The following SCN7A variants were observed in gnomAD, a reference collection of about 807,000 sequenced individuals.
SCN7A encodes sodium channel protein type 7 subunit alpha.
In SCN7A, 138 loss-of-function variants were observed where a neutral mutation model predicts 155.2. That is an observed-to-expected ratio of 0.89 (90% CI 0.77 to 1.02). The LOEUF (loss-of-function observed/expected upper bound fraction) is 1.02. Among genes scored for constraint, SCN7A ranks in the 50% least tolerant of loss-of-function variants. SCN7A has a pLI of 0.00. For missense variants in SCN7A, 2,058 were observed against 1,986.6 expected (o/e 1.04, Z -0.68); for synonymous variants, 693 against 649.0 (o/e 1.07, Z -1.03).
Position 166,474,295 on chromosome 2 carries a change from G to T in SCN7A, c.284C>A (p.Ala95Asp). The change falls in exon 4 of 26, where the codon GCT becomes GAT. Residue 95 changes from alanine to aspartate, a missense_variant. Coordinates refer to ENST00000643258, the MANE Select transcript of SCN7A (RefSeq NM_002976.4). ...KNRTIFRFNA[A>D]SILCTLSPFN... is the part of the protein sequence containing the mutation. ...AGGAGACAATGTACACAAGATGGAAGCCGCATTGAATCTGAAGATTGTTCT... is the reference window on the plus strand; with the variant it reads ...AGGAGACAATGTACACAAGATGGAATCCGCATTGAATCTGAAGATTGTTCT... 1.3e-6 allele frequency: 2 copies of T among 1,530,584 alleles called. No individual in the cohort carries two copies. Among genetic ancestry groups the T allele is most frequent in the Non-Finnish European group, 8.8e-7 (1 of 1,134,018 alleles). The allele number at this position is 1,530,584 out of a possible 1,614,324, so 94.8% of individuals were successfully genotyped here.
chr2:166,477,410 T>C, intron 3 of SCN7A, 53 bp downstream of exon 3: 1 of 1,115,788 alleles, frequency 9.0e-7, no homozygotes, highest in Non-Finnish European at 1.2e-6. Context: ...TTTCTGTATG[T>C]CTGGAAATAA....
intron 22 of SCN7A, 28 bp from the exon 23 acceptor site, chr2:166,412,695 G>A: frequency 6.8e-7 from 1 of 1,466,186 alleles, no homozygotes; most frequent in Non-Finnish European, 9.0e-7. Context: ...GCAAATTATT[G>A]ATATTGGCTT....
At chr2:166,407,291 A>T (rs1339891139) in intron 25 of SCN7A, among the ~76,000 whole-genome samples, 1 of 152,016 alleles carries the variant, frequency 6.6e-6, no homozygotes, top group Admixed American at 6.6e-5. Context: ...TGGTAGTTAG[A>T]TGAGGGAAGT....
chr2:166,445,695 C>T (rs1702048878), intron 12 of SCN7A, among the ~76,000 whole-genome samples: 1 of 152,092 alleles, frequency 6.6e-6, no homozygotes. Context: ...CACAGCCTTG[C>T]ATCCCCAGGA....
intron 5 of SCN7A, among the ~76,000 whole-genome samples, chr2:166,473,517 C>A (rs1159536681): frequency 1.3e-5 from 2 of 151,368 alleles, no homozygotes; most frequent in East Asian, 3.9e-4. Context: ...CTGGTATGTC[C>A]TAGGAAAGAG....
Position 166,432,638 on chromosome 2 carries a change from CTTTT to C in SCN7A, c.2268_2271del (p.Lys757GlufsTer2). On this transcript the variant is annotated frameshift_variant, in exon 16 of 26. Coordinates refer to ENST00000643258, the MANE Select transcript of SCN7A (RefSeq NM_002976.4). LOFTEE classifies it high-confidence loss of function. ...ATTTTAAGAAGCACATAGTTTATTC[CTTTT>C]TTAATTCTTGCCACTGCAAGCTGGA... 6.2e-7 allele frequency: 1 copy of C among 1,610,994 alleles called. No homozygotes were observed. The highest frequency in any genetic ancestry group is 1.1e-5 in the South Asian group (1 of 90,368).
rs369147697 is a variant in SCN7A, at chr2:166,406,294, G to A, written c.4335C>T (p.Asn1445=). ...CAGGATCACAGTCAGACCATTTACT[G>A]TTGAAAATTGCATCAAGCATCCCAT... ...GWDGMLDAIF[N]SKWSDCDPDK... The change falls in exon 26 of 26, where the codon AAC becomes AAT. Residue 1445 remains asparagine (N), a synonymous_variant. Transcript: ENST00000643258. The A allele has an allele frequency of 1.4e-5, 22 of 1,612,986 alleles. No individual in the cohort carries two copies. Among genetic ancestry groups the A allele is most frequent in the Middle Eastern group, 1.6e-4 (1 of 6,078 alleles).
intron 18 of SCN7A, 111 bp downstream of exon 18, chr2:166,427,677 G>T: frequency 1.1e-6 from 1 of 895,384 alleles, no homozygotes; most frequent in Non-Finnish European, 1.6e-6. Context: ...GCTATTTGGT[G>T]CTATACTAAA....
Position 166,409,709 on chromosome 2 carries a change from G to C in SCN7A, c.3938C>G (p.Ala1313Gly), listed in dbSNP as rs6760593. 228 of 1,540,328 alleles carry C rather than the reference G, an allele frequency of 1.5e-4. No homozygotes were observed. The highest frequency in any genetic ancestry group is 1.9e-4 in the Non-Finnish European group (212 of 1,143,500). The change falls in exon 25 of 26, where the codon GCG becomes GGG. Residue 1313 changes from alanine (A) to glycine (G), a missense_variant. Coordinates refer to ENST00000643258, the MANE Select transcript of SCN7A (RefSeq NM_002976.4). ...CACCATAAAATCAAAAATGTTCCAC[G>C]CAATGGTGAAATAAAAACAACGGAA... ...IAFRCFYFTI[A>G]WNIFDFMVVI...
chr2:166,410,268 C>G lies in SCN7A; in HGVS notation c.3663G>C (p.Leu1221=). 6.4e-7 allele frequency: 1 copy of G among 1,556,942 alleles called. No homozygotes were observed. The highest frequency in any genetic ancestry group is 8.7e-7 in the Non-Finnish European group (1 of 1,148,800). ...GAGAATCCTCATACATTAGCTTCTT[C>G]AGCCTGCGGTACTGTTTTCTCTGTT... is the stretch of plus-strand genomic sequence containing the variant. ...TVKQRKQYRR[L]KKLMYEDSQR... The change falls in exon 24 of 26, where the codon CTG becomes CTC. Residue 1221 remains leucine (L), a synonymous_variant. Transcript: ENST00000643258.
At chr2:166,406,675 T>C (rs1168149397) in intron 25 of SCN7A, 29 bp from the exon 26 acceptor site, 1 of 1,415,232 alleles carries the variant, frequency 7.1e-7, no homozygotes, top group East Asian at 2.3e-5. Flanking sequence ...AAGCAGGCTA[T>C]ACATTATTCA....
In SCN7A at chr2:166,432,574, T is replaced by G; in HGVS notation, c.2336A>C (p.Asp779Ala). ...KTQNVPKDTM[D>A]HVNEVYVKED... ...TTTAACATATACCTCATTTACATGG[T>G]CCATTGTGTCCTTTGGGACATTTTG... is the stretch of plus-strand genomic sequence containing the variant. Residue 779 changes from aspartate (D) to alanine (A), a missense_variant, in exon 16 of 26, where the codon GAC becomes GCC. Asp to Ala is a moderately radical substitution (Grantham distance 126). Transcript: ENST00000643258. The G allele has an allele frequency of 6.2e-7, 1 of 1,613,370 alleles. No individual in the cohort carries two copies.
chr2:166,423,448 A>G lies in SCN7A; in HGVS notation c.2854-16T>C, dbSNP rs1701556104. The G allele has an allele frequency of 1.3e-6, 2 of 1,510,864 alleles. No individual in the cohort carries two copies. Among genetic ancestry groups the G allele is most frequent in the Non-Finnish European group, 1.8e-6 (2 of 1,136,942 alleles). 93.6% of individuals were successfully genotyped at this position (1,510,864 alleles called of 1,614,324 possible). A position where few individuals can be genotyped will look rare whatever the true frequency, so the allele number is the denominator to read the frequency against. On this transcript the variant is annotated splice_polypyrimidine_tract_variant and intron_variant, in intron 18 of 25. Transcript: ENST00000643258. ...CTTCAAAAGCCTGTGGGTAAAAATA[A>G]AAAAATAAGGATTAGGTGTACAGGT...
chr2:166,410,772 T>C (rs951606692), intron 23 of SCN7A, among the ~76,000 whole-genome samples: 2 of 152,044 alleles, frequency 1.3e-5, no homozygotes, highest in Admixed American at 6.6e-5. Flanking sequence ...TTTCAAATAG[T>C]ATCAGAAGAG....
intron 21 of SCN7A, among the ~76,000 whole-genome samples, chr2:166,416,392 C>T (rs1048286996): frequency 3.9e-5 from 6 of 152,090 alleles, no homozygotes; most frequent in African/African-American, 4.8e-5. Context: ...AACTTGCTGG[C>T]TTTAAGGCTC....
intron 24 of SCN7A, 100 bp downstream of exon 24, chr2:166,410,120 G>A (rs1180152331): frequency 6.1e-6 from 7 of 1,146,864 alleles, no homozygotes; most frequent in East Asian, 2.6e-5. Flanking sequence ...CTTTGTCAAG[G>A]GACACAAAAA....
intron 1 of SCN7A, among the ~76,000 whole-genome samples, chr2:166,487,750 T>A (rs529953242): frequency 6.6e-6 from 1 of 152,228 alleles, no homozygotes; most frequent in South Asian, 2.1e-4. Flanking sequence ...CATTCAAGAA[T>A]GTAGACCATA....
At chr2:166,411,291 CTGTGGAGACCGGGA>C (rs940301115) in intron 23 of SCN7A, among the ~76,000 whole-genome samples, 11 of 152,038 alleles carry the variant, frequency 7.2e-5, no homozygotes, top group Admixed American at 5.9e-4. Context: ...TCATCCTGCT[CTGTGGAGACCGGGA>C]TGTGAATCAT....
chr2:166,465,523 T>G lies in SCN7A; in HGVS notation c.880A>C (p.Asn294His), dbSNP rs1483935780. ...GNPYYIRETE[N>H]FYYLEGERYA... is the part of the protein sequence containing the mutation. ...CTTTCTCCTTCCAAATAATAAAAGT[T>G]TTCTGTTTCTGAAAAACAGGCAAGA... The change falls in exon 9 of 26, where the codon AAC becomes CAC. Residue 294 changes from asparagine to histidine, a missense_variant. Physicochemically the swap from Asn to His is moderately conservative, Grantham distance 68. Transcript: ENST00000643258. 15 of 1,596,050 alleles carry G rather than the reference T, an allele frequency of 9.4e-6. No individual in the cohort carries two copies. In the South Asian group the frequency reaches 1.5e-4, roughly 16 times the overall value.
Sources: allele counts gnomAD v4.1 joint callset (sites outside exome capture counted in the v4.1 genomes callset), GRCh38; gene constraint gnomAD v4.1.1; transcripts MANE v1.5; gene names NCBI Gene and HGNC (gene_info 2026-07-23, HGNC 2026-07-21).